The following CCDC91 variants were observed in gnomAD, a reference collection of about 807,000 sequenced individuals.
CCDC91 encodes the protein coiled-coil domain containing 91, also known as coiled-coil domain-containing protein 91.
In CCDC91, 48 loss-of-function variants were observed where a neutral mutation model predicts 63.2. The observed-to-expected ratio is 0.76, with a 90% CI of 0.60 to 0.97. The LOEUF (loss-of-function observed/expected upper bound fraction) is 0.97. Ranked by LOEUF, CCDC91 falls within the 50% of genes least tolerant of loss-of-function variation. CCDC91 has a pLI of 0.00. For missense variants in CCDC91, 500 were observed against 494.6 expected (o/e 1.01, Z -0.10); for synonymous variants, 167 against 165.8 (o/e 1.01, Z -0.06).
chr12:28,495,263 G>A (rs1423636801), intron 12 of CCDC91, among the ~76,000 whole-genome samples: 1 of 151,718 alleles, frequency 6.6e-6, no homozygotes, highest in Non-Finnish European at 1.5e-5. Flanking sequence ...ACTCAGGACT[G>A]GACATTGGGG....
At chr12:28,540,491 A>G (rs1942550229) in intron 12 of CCDC91, among the ~76,000 whole-genome samples, 2 of 152,162 alleles carry the variant, frequency 1.3e-5, no homozygotes, top group African/African-American at 4.8e-5. Flanking sequence ...TATTGTGCCA[A>G]GGCCTCTAGC....
At chr12:28,232,679 C>T (rs1225760465) in intron 1 of CCDC91, among the ~76,000 whole-genome samples, 1 of 151,990 alleles carries the variant, frequency 6.6e-6, no homozygotes, top group East Asian at 1.9e-4. Flanking sequence ...TTTAAGTAAT[C>T]AAGAGTGGTG....
chr12:28,543,531 C>T (rs1942780241), intron 12 of CCDC91, among the ~76,000 whole-genome samples: 1 of 152,056 alleles, frequency 6.6e-6, no homozygotes, highest in Non-Finnish European at 1.5e-5. Flanking sequence ...AAACTAAGAA[C>T]CCATGACTGT....
chr12:28,356,152 A>G (rs1237294061), intron 6 of CCDC91, among the ~76,000 whole-genome samples: 3 of 152,134 alleles, frequency 2.0e-5, no homozygotes, highest in Non-Finnish European at 4.4e-5. Flanking sequence ...AAATGAGACA[A>G]TGTAGAGGTG....
intron 8 of CCDC91, among the ~76,000 whole-genome samples, chr12:28,426,687 T>C (rs1473646281): frequency 6.6e-6 from 1 of 152,194 alleles, no homozygotes; most frequent in African/African-American, 2.4e-5. Context: ...TCTGCCTATA[T>C]ATTATCCATC....
At chr12:28,194,813 T>C (rs1565587659) in intron 1 of CCDC91, among the ~76,000 whole-genome samples, 1 of 152,016 alleles carries the variant, frequency 6.6e-6, no homozygotes, top group Non-Finnish European at 1.5e-5. Context: ...TGGTGGGTGT[T>C]GCAGCTCATT....
intron 1 of CCDC91, among the ~76,000 whole-genome samples, chr12:28,242,910 T>G (rs1565660862): frequency 6.6e-6 from 1 of 152,070 alleles, no homozygotes; most frequent in Admixed American, 6.6e-5. Flanking sequence ...TTGCTCCTAC[T>G]TCTGACATGT....
At chr12:28,462,764 T>G (rs762310300) in intron 11 of CCDC91, among the ~76,000 whole-genome samples, 8 of 152,118 alleles carry the variant, frequency 5.3e-5, no homozygotes, top group Non-Finnish European at 7.4e-5. Context: ...GTAAACTGAT[T>G]ATTATAATTT....
rs1413407000 is a variant in CCDC91, at chr12:28,332,439, A to T, written c.576+24690A>T. Among the ~76,000 whole-genome samples the T allele has an allele frequency of 2.6e-5, 4 of 152,208 alleles. No homozygotes were observed. In the South Asian group the frequency reaches 8.3e-4, roughly 32 times the overall value. ...ACTGAAGGGGAAGCATGACCTAAAA[A>T]TATGATAGCTTTTAAAGATTATTTT... On this transcript the variant is annotated intron_variant, in intron 6 of 12. Coordinates refer to ENST00000536442, the MANE Select transcript of CCDC91 (RefSeq NM_018318.5).
At chr12:28,338,310 C>T (rs1311849476) in intron 6 of CCDC91, among the ~76,000 whole-genome samples, 1 of 140,994 alleles carries the variant, frequency 7.1e-6, no homozygotes, top group Non-Finnish European at 1.5e-5. Flanking sequence ...AACTCACCCC[C>T]ATAGTGTTTT....
chr12:28,386,998 A>G (rs1439156569), intron 7 of CCDC91, among the ~76,000 whole-genome samples: 1 of 152,140 alleles, frequency 6.6e-6, no homozygotes, highest in Non-Finnish European at 1.5e-5. Flanking sequence ...GTATCTGTAG[A>G]GACAGTTACA....
At chr12:28,320,951 T>A (rs1218570521) in intron 6 of CCDC91, among the ~76,000 whole-genome samples, 3 of 152,060 alleles carry the variant, frequency 2.0e-5, no homozygotes, top group South Asian at 2.1e-4. Flanking sequence ...ATTGAATGTT[T>A]ACTTGTTGAG....
chr12:28,423,107 G>A (rs1948108665), intron 8 of CCDC91, among the ~76,000 whole-genome samples: 3 of 152,118 alleles, frequency 2.0e-5, no homozygotes, highest in South Asian at 2.1e-4. Flanking sequence ...CTGATGCCCT[G>A]TCCAGGAGAA....
intron 6 of CCDC91, among the ~76,000 whole-genome samples, chr12:28,334,802 A>G (rs1323349772): frequency 2.6e-5 from 4 of 152,146 alleles, no homozygotes; most frequent in African/African-American, 9.7e-5. Flanking sequence ...GCACTTGGGC[A>G]CCAAACCAAC....
In CCDC91 at chr12:28,415,197, C is replaced by T. The variant is rs146562906; in HGVS notation, c.762+23786C>T. On this transcript the variant is annotated intron_variant, in intron 8 of 12. Transcript: ENST00000536442. ...TTCTCTTTAGGTAAATTTTAGAAACCATGTGAAATGTTATTTGTTTGTAAA... is the reference window on the plus strand; with the variant it reads ...TTCTCTTTAGGTAAATTTTAGAAACTATGTGAAATGTTATTTGTTTGTAAA... 2.4e-4 allele frequency among the ~76,000 whole-genome samples: 36 copies of T among 151,052 alleles called. No individual in the cohort carries two copies. The East Asian group carries it at 5.4e-3, about 23-fold the overall frequency.
chr12:28,219,260 T>C (rs1052691936), intron 1 of CCDC91, among the ~76,000 whole-genome samples: 3 of 152,124 alleles, frequency 2.0e-5, no homozygotes, highest in Non-Finnish European at 4.4e-5. Context: ...AAAGTGTCTA[T>C]TAAAATATTT....
rs532850365 is a variant in CCDC91 at position 28,201,151 on chromosome 12, A to T, written c.-15+10510A>T. ...GGGCTGACCCCCACCTCCCTCCCGG[A>T]CGAGGTGGCTGCTGGGCGGAGACGC... On this transcript the variant is annotated intron_variant, in intron 1 of 12. Transcript: ENST00000536442. Among the ~76,000 whole-genome samples, 55 of 148,628 alleles carry T rather than the reference A, an allele frequency of 3.7e-4. 1 individual carries two copies. The highest frequency in any genetic ancestry group is 1.4e-3 in the African/African-American group (55 of 40,062).
intron 8 of CCDC91, among the ~76,000 whole-genome samples, chr12:28,428,781 C>G (rs893702397): frequency 2.6e-5 from 4 of 151,746 alleles, no homozygotes; most frequent in African/African-American, 7.3e-5. Context: ...ATATGATAAT[C>G]TTTCTCAATA....
At chr12:28,401,452 A>G (rs1946617949) in intron 8 of CCDC91, among the ~76,000 whole-genome samples, 2 of 152,148 alleles carry the variant, frequency 1.3e-5, no homozygotes, top group South Asian at 4.1e-4. Flanking sequence ...GGATTATGGG[A>G]ACTACAATTC....
Sources: allele counts gnomAD v4.1 joint callset (sites outside exome capture counted in the v4.1 genomes callset), GRCh38; gene constraint gnomAD v4.1.1; transcripts MANE v1.5; gene names NCBI Gene and HGNC (gene_info 2026-07-23, HGNC 2026-07-21).